Variants in TRPC4AP observed in about 807,000 individuals in gnomAD.
TRPC4AP encodes transient receptor potential cation channel subfamily C member 4 associated protein.
A neutral mutation model predicts 99.0 loss-of-function variants in TRPC4AP; 45 were observed. The observed-to-expected ratio is 0.45, with a 90% CI of 0.36 to 0.58. The LOEUF (loss-of-function observed/expected upper bound fraction) is 0.58, where lower values mean the gene tolerates loss of function less well. Among genes scored for constraint, TRPC4AP ranks in the 20% least tolerant of loss-of-function variants. The probability of loss-of-function intolerance (pLI) is 0.00; values close to 1 mark genes in which losing one functional copy is unlikely to be tolerated. For missense variants in TRPC4AP, 879 were observed against 985.3 expected (o/e 0.89, Z 1.44); for synonymous variants, 408 against 385.8 (o/e 1.06, Z -0.67).
intron 7 of TRPC4AP, among the ~76,000 whole-genome samples, chr20:35,038,924 A>C (rs980699726): frequency 4.6e-5 from 7 of 152,166 alleles, no homozygotes; most frequent in Non-Finnish European, 1.0e-4. Flanking sequence ...ATACAAAAAA[A>C]TTAGTCGGGC....
intron 1 of TRPC4AP, among the ~76,000 whole-genome samples, chr20:35,086,431 ATGTGTGTGTGTGTGTGTGTGTGTG>A (rs150231202): frequency 4.6e-5 from 5 of 109,470 alleles, no homozygotes; most frequent in East Asian, 2.8e-4. Context: ...TGAATGGCAT[ATGTGTGTGTGTGTGTGTGTGTGTG>A]TGTGTGTGTG....
intron 3 of TRPC4AP, among the ~76,000 whole-genome samples, chr20:35,064,383 T>C (rs952965118): frequency 1.3e-5 from 2 of 152,190 alleles, no homozygotes; most frequent in African/African-American, 4.8e-5. Context: ...AGCTTGAGGG[T>C]CTGAGAAAGC....
intron 11 of TRPC4AP, among the ~76,000 whole-genome samples, chr20:35,010,880 C>T (rs1782917601): frequency 1.3e-5 from 2 of 152,222 alleles, no homozygotes; most frequent in African/African-American, 4.8e-5. Context: ...TCCACAGCTT[C>T]CCACTGCATT....
At chr20:35,022,853 G>A (rs1465790112) in intron 8 of TRPC4AP, among the ~76,000 whole-genome samples, 1 of 151,920 alleles carries the variant, frequency 6.6e-6, no homozygotes, top group Non-Finnish European at 1.5e-5. Context: ...AGACCTCATT[G>A]CTATAAAAAA....
chr20:35,011,078 G>A (rs546627925), intron 11 of TRPC4AP, among the ~76,000 whole-genome samples: 2 of 152,222 alleles, frequency 1.3e-5, no homozygotes, highest in Admixed American at 6.5e-5. Flanking sequence ...GGCCAACGTG[G>A]CGAAACCCCA....
intron 6 of TRPC4AP, among the ~76,000 whole-genome samples, chr20:35,047,299 C>T (rs575237675): frequency 1.3e-5 from 2 of 152,292 alleles, no homozygotes; most frequent in South Asian, 2.1e-4. Context: ...ATTATTATTG[C>T]CTTGCCATTT....
chr20:35,085,472 G>A (rs980097177), intron 1 of TRPC4AP, among the ~76,000 whole-genome samples: 1 of 151,988 alleles, frequency 6.6e-6, no homozygotes, highest in South Asian at 2.1e-4. Flanking sequence ...AATGAGCTGC[G>A]TATGGTGGCA....
chr20:35,007,689 C>T lies in TRPC4AP; in HGVS notation c.1596-49G>A, dbSNP rs749803499. 7.3e-5 allele frequency: 116 copies of T among 1,591,454 alleles called. No individual in the cohort carries two copies. The East Asian group carries it at 2.0e-3, about 28-fold the overall frequency. ...GTGGCTAAGGCTGCCCTCTTCCGGC[C>T]CATGTTCAGTTCTCCAAGGGGTTGG... On this transcript the variant is annotated intron_variant, in intron 13 of 18. Coordinates refer to ENST00000252015, the MANE Select transcript of TRPC4AP (RefSeq NM_015638.3).
At chr20:35,047,992 T>C (rs1057494443) in intron 6 of TRPC4AP, among the ~76,000 whole-genome samples, 1 of 152,128 alleles carries the variant, frequency 6.6e-6, no homozygotes, top group African/African-American at 2.4e-5. Context: ...TTATCAGTAG[T>C]ATACAAGTGT....
Position 35,008,726 on chromosome 20 carries a change from C to A in TRPC4AP, c.1533G>T (p.Lys511Asn). The change falls in exon 13 of 19, where the codon AAG becomes AAT. Residue 511 changes from lysine (K) to asparagine (N), a missense_variant. Physicochemically the swap from Lys to Asn is moderately conservative, Grantham distance 94. This residue lies in a region of TRPC4AP where 603 missense variants were observed against 631.8 expected (regional missense o/e 0.95). Coordinates refer to ENST00000252015, the MANE Select transcript of TRPC4AP (RefSeq NM_015638.3). ...GCAGCAGACGAGTTAATAAGCCCCT[C>A]TTCCCATCACACACCAAACTCCTGA... ...NTDRSLVCDG[K>N]RGLLTRLLQV... The A allele has an allele frequency of 1.2e-6, 2 of 1,614,010 alleles. No homozygotes were observed. The highest frequency in any genetic ancestry group is 1.7e-6 in the Non-Finnish European group (2 of 1,179,946).
rs532732982 is a variant in TRPC4AP, at chr20:35,050,021, G to A, written c.529-27C>T. On this transcript the variant is annotated intron_variant, in intron 5 of 18. Transcript: ENST00000252015. ...TGTCACAAGAAGAAAAGGCAGAATA[G>A]GTTGTAAGTACAAAATAAATTATGA... 2.5e-6 allele frequency: 4 copies of A among 1,605,446 alleles called. No individual in the cohort carries two copies. In the South Asian group the frequency reaches 4.5e-5, roughly 18 times the overall value.
At chr20:35,073,487 AG>A (rs1228987702) in intron 2 of TRPC4AP, among the ~76,000 whole-genome samples, 2 of 152,196 alleles carry the variant, frequency 1.3e-5, no homozygotes, top group South Asian at 2.1e-4. Context: ...TTCAGCATGA[AG>A]GGCTGTTGAA....
At chr20:35,064,088 C>T (rs776587265) in intron 3 of TRPC4AP, among the ~76,000 whole-genome samples, 18 of 152,108 alleles carry the variant, frequency 1.2e-4, no homozygotes, top group Non-Finnish European at 2.1e-4. Context: ...CAAAAAAGTC[C>T]AATTTTCACT....
chr20:35,091,001 G>A (rs958460163), intron 1 of TRPC4AP, among the ~76,000 whole-genome samples: 2 of 151,840 alleles, frequency 1.3e-5, no homozygotes, highest in Non-Finnish European at 2.9e-5. Flanking sequence ...TACACACCCA[G>A]CTCGGTAAGG....
At chr20:35,086,067 A>G (rs1157713567) in intron 1 of TRPC4AP, among the ~76,000 whole-genome samples, 1 of 79,806 alleles carries the variant, frequency 1.3e-5, no homozygotes, top group South Asian at 4.4e-4. Flanking sequence ...CCCCCACACC[A>G]CCACCACTGC....
Position 35,008,719 on chromosome 20 carries a change from A to T in TRPC4AP, c.1540T>A (p.Leu514Ile), listed in dbSNP as rs369325392. 71 of 1,613,932 alleles carry T rather than the reference A, an allele frequency of 4.4e-5. No homozygotes were observed. The highest frequency in any genetic ancestry group is 3.8e-5 in the Non-Finnish European group (45 of 1,179,966). Reference sequence around the variant, plus strand: ...ATGACCTGCAGCAGACGAGTTAATAAGCCCCTCTTCCCATCACACACCAAA... The same window carrying T: ...ATGACCTGCAGCAGACGAGTTAATATGCCCCTCTTCCCATCACACACCAAA... ...RSLVCDGKRGLLTRLLQVMKK... is the reference protein window; with the variant it reads ...RSLVCDGKRGILTRLLQVMKK... Residue 514 changes from leucine (L) to isoleucine (I), a missense_variant, in exon 13 of 19, where the codon TTA becomes ATA. Transcript: ENST00000252015.
intron 8 of TRPC4AP, among the ~76,000 whole-genome samples, chr20:35,031,093 A>G (rs758150932): frequency 9.2e-5 from 14 of 152,250 alleles, no homozygotes; most frequent in Non-Finnish European, 1.5e-4. Context: ...GTTTTCTTTC[A>G]GCATTCTGAA....
At chr20:35,051,692 C>T (rs1208134566) in intron 5 of TRPC4AP, among the ~76,000 whole-genome samples, 1 of 150,558 alleles carries the variant, frequency 6.6e-6, no homozygotes, top group Admixed American at 6.6e-5. Context: ...TGAAACAGGA[C>T]TGACTCTAGT....
rs376786338 is a variant in TRPC4AP, at chr20:35,025,764, C to T, written c.1052-4408G>A. 1.1e-4 allele frequency among the ~76,000 whole-genome samples: 17 copies of T among 152,128 alleles called. No individual in the cohort carries two copies. The East Asian group carries it at 2.5e-3, about 22-fold the overall frequency. On this transcript the variant is annotated intron_variant, in intron 8 of 18. Coordinates refer to ENST00000252015, the MANE Select transcript of TRPC4AP (RefSeq NM_015638.3). ...TTTCCTCATTGTGTTTTCTGAAGAA[C>T]AAAAAGTTTTAATTTTGATGAAGTC...
Sources: allele counts gnomAD v4.1 joint callset (sites outside exome capture counted in the v4.1 genomes callset), GRCh38; gene constraint gnomAD v4.1.1; regional missense constraint gnomAD v4.1.1; transcripts MANE v1.5; gene names NCBI Gene and HGNC (gene_info 2026-07-23, HGNC 2026-07-21).